Variants in MAP4 observed in about 807,000 individuals in gnomAD.
The protein encoded by MAP4 is microtubule associated protein 4.
A neutral mutation model predicts 170.2 loss-of-function variants in MAP4; 76 were observed. The ratio of observed to expected loss-of-function variants is 0.45; its 90% CI spans 0.37 to 0.54. The LOEUF is 0.54. Among genes scored for constraint, MAP4 ranks in the 20% least tolerant of loss-of-function variants. MAP4 has a pLI of 0.00. For synonymous variants in MAP4, 909 were observed against 994.5 expected (o/e 0.91, Z 1.62); for missense variants, 2,506 against 2,748.0 (o/e 0.91, Z 1.97).
intron 1 of MAP4, among the ~76,000 whole-genome samples, chr3:48,060,819 AAAATT>A (rs2100134787): frequency 6.6e-6 from 1 of 152,146 alleles, no homozygotes; most frequent in South Asian, 2.1e-4. Flanking sequence ...AAATAAATAA[AAAATT>A]AAAAACGAAA....
chr3:47,930,704 G>A lies in MAP4; in HGVS notation c.293-2354C>T, dbSNP rs544154166. Among the ~76,000 whole-genome samples the A allele has an allele frequency of 5.3e-5, 8 of 151,556 alleles. No homozygotes were observed. In the East Asian group the frequency reaches 1.2e-3, roughly 23 times the overall value. ...AGCACTTTGGGAGGCCAAGGTGGGC[G>A]GATCACAAGGTCAGGAAATCGAGAC... On this transcript the variant is annotated intron_variant, in intron 3 of 20. Transcript: ENST00000683076.
intron 1 of MAP4, among the ~76,000 whole-genome samples, chr3:48,009,805 C>G (rs1042795071): frequency 6.6e-6 from 1 of 152,198 alleles, no homozygotes; most frequent in Non-Finnish European, 1.5e-5. Context: ...TCTCCTGCAA[C>G]ATTATGTTCT....
At chr3:48,049,451 C>T (rs2100126371) in intron 1 of MAP4, among the ~76,000 whole-genome samples, 1 of 91,524 alleles carries the variant, frequency 1.1e-5, no homozygotes, top group Admixed American at 1.1e-4. Flanking sequence ...CGTACCCTGT[C>T]TCTACAAAAA....
At chr3:47,966,871 G>T (rs1289288075) in intron 3 of MAP4, among the ~76,000 whole-genome samples, 1 of 152,094 alleles carries the variant, frequency 6.6e-6, no homozygotes, top group East Asian at 1.9e-4. Flanking sequence ...ACACAGTTTT[G>T]ATTATTATAG....
At chr3:47,890,950 G>A in intron 10 of MAP4, 8 of 1,253,512 alleles carry the variant, frequency 6.4e-6, no homozygotes, top group Non-Finnish European at 8.6e-6. Flanking sequence ...TTAGTGCTCT[G>A]CCGGTAATCT....
chr3:47,959,911 G>A (rs748015338), intron 3 of MAP4, among the ~76,000 whole-genome samples: 10 of 151,928 alleles, frequency 6.6e-5, no homozygotes, highest in South Asian at 2.1e-4. Context: ...TGCCCAGGCT[G>A]GAGTGCAGTG....
intron 13 of MAP4, 77 bp from the exon 14 acceptor site, chr3:47,871,363 CATT>C: frequency 8.7e-7 from 1 of 1,149,576 alleles, no homozygotes; most frequent in Non-Finnish European, 1.3e-6. Flanking sequence ...TGAGATTCCT[CATT>C]ATTTAACAAT....
intron 3 of MAP4, among the ~76,000 whole-genome samples, chr3:47,940,243 CCCGCCA>C (rs2100055434): frequency 6.6e-6 from 1 of 152,074 alleles, no homozygotes; most frequent in Admixed American, 6.6e-5. Flanking sequence ...TCACCAGTCC[CCCGCCA>C]CCATTATTAT....
chr3:48,016,324 GCTTA>G lies in MAP4; in HGVS notation c.-20+6_-20+9del, dbSNP rs1047500666. 2.0e-5 allele frequency: 3 copies of G among 146,542 alleles called. No individual in the cohort carries two copies. The highest frequency in any genetic ancestry group is 4.4e-5 in the Non-Finnish European group (3 of 67,530). 9.1% of individuals were successfully genotyped at this position (146,542 alleles called of 1,614,324 possible). A position where few individuals can be genotyped will look rare whatever the true frequency, so the allele number is the denominator to read the frequency against. On this transcript the variant is annotated splice_donor_region_variant and intron_variant, in intron 1 of 20. Coordinates refer to ENST00000683076, the MANE Select transcript of MAP4 (RefSeq NM_001385682.1). ...CATCACAAAGTTAAAAGGCTACCTTGCTTACTTACAGGAACTATCCAGGCAGCTT... is the reference window on the plus strand; with the variant it reads ...CATCACAAAGTTAAAAGGCTACCTTGCTTACAGGAACTATCCAGGCAGCTT...
At chr3:48,034,633 G>A (rs1166326816) in intron 1 of MAP4, among the ~76,000 whole-genome samples, 1 of 152,070 alleles carries the variant, frequency 6.6e-6, no homozygotes. Flanking sequence ...GAACCTGGAG[G>A]GGGAGGTTGC....
intron 2 of MAP4, among the ~76,000 whole-genome samples, chr3:47,978,653 G>A (rs2100083600): frequency 6.6e-6 from 1 of 151,850 alleles, no homozygotes; most frequent in Non-Finnish European, 1.5e-5. Context: ...TCCCACACAG[G>A]AAATCCAGGG....
intron 3 of MAP4, chr3:47,975,324 C>T: frequency 6.5e-7 from 1 of 1,534,228 alleles, no homozygotes; most frequent in East Asian, 2.5e-5. Context: ...GAAGAACTAC[C>T]CTCAGTTTCT....
chr3:47,871,740 A>C (rs936675517), intron 13 of MAP4, among the ~76,000 whole-genome samples, 177 bp downstream of exon 13: 1 of 152,240 alleles, frequency 6.6e-6, no homozygotes, highest in African/African-American at 2.4e-5. Context: ...ACAGAGATCA[A>C]GGCTTGTTAA....
At chr3:48,079,944 C>T (rs1260224227) in intron 1 of MAP4, among the ~76,000 whole-genome samples, 2 of 144,236 alleles carry the variant, frequency 1.4e-5, no homozygotes, top group Non-Finnish European at 3.0e-5. Context: ...AGTGAGACTC[C>T]GTCTCAAAAA....
At chr3:48,052,156 G>A (rs1397527803) in intron 1 of MAP4, among the ~76,000 whole-genome samples, 3 of 152,178 alleles carry the variant, frequency 2.0e-5, no homozygotes, top group African/African-American at 7.2e-5. Context: ...TAAAAATCTA[G>A]GAGTTGTGAG....
At chr3:48,007,964 G>A (rs1262427420) in intron 1 of MAP4, among the ~76,000 whole-genome samples, 1 of 152,092 alleles carries the variant, frequency 6.6e-6, no homozygotes, top group Non-Finnish European at 1.5e-5. Context: ...CTCTCCTTTT[G>A]AGAGTCAGCT....
intron 15 of MAP4, among the ~76,000 whole-genome samples, chr3:47,869,830 C>G (rs144679909): frequency 0.013 from 2,021 of 152,164 alleles, 23 homozygotes; most frequent in Middle Eastern, 0.048. Context: ...GTAACTTTTG[C>G]ACCATGAAAC....
In MAP4 at chr3:47,911,556, C is replaced by T. The variant is rs1242461806; in HGVS notation, c.2865G>A (p.Glu955=). The T allele has an allele frequency of 6.5e-6, 10 of 1,536,046 alleles. No individual in the cohort carries two copies. Among genetic ancestry groups the T allele is most frequent in the Middle Eastern group, 1.7e-4 (1 of 5,990 alleles). The change falls in exon 9 of 21, where the codon GAG becomes GAA. Residue 955 remains glutamate (E), a synonymous_variant. Transcript: ENST00000683076. The surrounding 1 kb of genome is among the most constrained non-coding windows in gnomAD (Gnocchi z 4.0). The stretch of plus-strand genomic sequence containing the variant: ...TGGGTTTTGAAACTACACCCATAAC[C>T]TCTTGGTCCAAGAAAGGAGAGCAAC... ...KEGCSPFLDQ[E]VMGVVSKPTA...
intron 1 of MAP4, among the ~76,000 whole-genome samples, chr3:48,041,956 G>A (rs1395525161): frequency 6.6e-6 from 1 of 152,196 alleles, no homozygotes; most frequent in East Asian, 1.9e-4. Flanking sequence ...CACCAGGAGA[G>A]ATGCTCCTGC....
Sources: allele counts gnomAD v4.1 joint callset (sites outside exome capture counted in the v4.1 genomes callset), GRCh38; gene constraint gnomAD v4.1.1; non-coding constraint Gnocchi (gnomAD v3.1); transcripts MANE v1.5; gene names NCBI Gene and HGNC (gene_info 2026-07-23, HGNC 2026-07-21).